Variants in KLHL6 observed in about 807,000 individuals in gnomAD.
KLHL6 encodes the protein kelch like family member 6, also known as kelch-like protein 6.
A neutral mutation model predicts 58.6 loss-of-function variants in KLHL6; 41 were observed. The ratio of observed to expected loss-of-function variants is 0.70; its 90% CI spans 0.55 to 0.91. The LOEUF is 0.91. Ranked by LOEUF, KLHL6 falls within the 40% of genes least tolerant of loss-of-function variation. KLHL6 has a pLI of 0.00. For missense variants in KLHL6, 714 were observed against 805.6 expected (o/e 0.89, Z 1.38); for synonymous variants, 338 against 322.7 (o/e 1.05, Z -0.51).
chr3:183,555,140 G>C (rs944465369), intron 1 of KLHL6, among the ~76,000 whole-genome samples: 2 of 151,946 alleles, frequency 1.3e-5, no homozygotes, highest in Non-Finnish European at 2.9e-5. Flanking sequence ...ACTCCAGCCT[G>C]GGCAACAAAA....
At chr3:183,552,396 C>T (rs1003882146) in intron 1 of KLHL6, 7 of 152,082 alleles carry the variant, frequency 4.6e-5, no homozygotes, top group African/African-American at 1.7e-4. Context: ...GCTTCCAGGC[C>T]CTCCAAAACA....
At chr3:183,516,018 G>A (rs1274826396) in intron 2 of KLHL6, among the ~76,000 whole-genome samples, 11 of 152,230 alleles carry the variant, frequency 7.2e-5, no homozygotes, top group South Asian at 2.1e-4. Flanking sequence ...TTCAAAGAGC[G>A]ATGCAAGTTC....
At chr3:183,500,275 T>C (rs1033419798) in intron 3 of KLHL6, among the ~76,000 whole-genome samples, 1 of 152,202 alleles carries the variant, frequency 6.6e-6, no homozygotes, top group Admixed American at 6.5e-5. Context: ...ATCAGCCTTC[T>C]GGAAGAGACA....
Position 183,492,871 on chromosome 3 carries a change from G to T in KLHL6, c.1351-164C>A, listed in dbSNP as rs1191961366. 3.2e-6 allele frequency: 2 copies of T among 619,364 alleles called. No homozygotes were observed. Among genetic ancestry groups the T allele is most frequent in the Admixed American group, 2.9e-5 (1 of 34,038 alleles). 38.4% of individuals were successfully genotyped at this position (619,364 alleles called of 1,614,324 possible). A position where few individuals can be genotyped will look rare whatever the true frequency, so the allele number is the denominator to read the frequency against. ...ACTCCTCTTAAGACACAGCAAGAATGAAAGCATGCATTTCCCACCCTCCCT... is the reference window on the plus strand; with the variant it reads ...ACTCCTCTTAAGACACAGCAAGAATTAAAGCATGCATTTCCCACCCTCCCT... On this transcript the variant is annotated intron_variant, in intron 5 of 6. Coordinates refer to ENST00000341319, the MANE Select transcript of KLHL6 (RefSeq NM_130446.4). This position sits in a 1 kb window ranked among gnomAD's most constrained non-coding sequence, Gnocchi z 5.9.
chr3:183,511,980 G>C (rs1416819333), intron 2 of KLHL6, among the ~76,000 whole-genome samples: 1 of 152,178 alleles, frequency 6.6e-6, no homozygotes, highest in African/African-American at 2.4e-5. Flanking sequence ...CATGTCTGCT[G>C]GTCTCAACTG....
intron 2 of KLHL6, among the ~76,000 whole-genome samples, chr3:183,525,336 A>C (rs1031517514): frequency 6.6e-6 from 1 of 150,986 alleles, no homozygotes; most frequent in Admixed American, 6.6e-5. Flanking sequence ...CGGGGGGGAA[A>C]ATTTAGGAAT....
At chr3:183,514,028 T>C (rs1718261466) in intron 2 of KLHL6, among the ~76,000 whole-genome samples, 1 of 152,230 alleles carries the variant, frequency 6.6e-6, no homozygotes, top group Non-Finnish European at 1.5e-5. Context: ...GCTTCATCCA[T>C]GTCCCTGCAA....
At chr3:183,539,811 T>C (rs1183153374) in intron 1 of KLHL6, among the ~76,000 whole-genome samples, 1 of 152,046 alleles carries the variant, frequency 6.6e-6, no homozygotes, top group African/African-American at 2.4e-5. Context: ...AAGAAAACTC[T>C]GGCCATGTTC....
chr3:183,519,965 C>T, intron 2 of KLHL6, among the ~76,000 whole-genome samples: 1 of 149,622 alleles, frequency 6.7e-6, no homozygotes, highest in Non-Finnish European at 1.5e-5. Flanking sequence ...TTTTGGCACA[C>T]TTGAGTTTGT....
intron 3 of KLHL6, among the ~76,000 whole-genome samples, chr3:183,507,408 G>GT (rs978374784): frequency 2.6e-5 from 4 of 151,712 alleles, no homozygotes; most frequent in East Asian, 1.9e-4. Context: ...GCACGTTCTT[G>GT]TTTTTTTTGT....
intron 5 of KLHL6, chr3:183,493,345 C>T (rs1717626252): frequency 6.4e-6 from 1 of 155,186 alleles, no homozygotes; most frequent in Non-Finnish European, 1.4e-5. Context: ...CTGGGCATGT[C>T]CCCCATACAT....
chr3:183,534,073 C>CCTTTAAAAGTACTTTACTTTTAAAGTA (rs1553812518), intron 1 of KLHL6, among the ~76,000 whole-genome samples: 9,848 of 38,508 alleles, frequency 0.26, 1,926 homozygotes, highest in Middle Eastern at 0.44. Context: ...TAATCACCAG[C>CCTTTAAAAGTACTTTACTTTTAAAGTA]CTTTAAAAGT....
At chr3:183,552,794 G>C (rs181432343) in intron 1 of KLHL6, among the ~76,000 whole-genome samples, 23 of 149,276 alleles carry the variant, frequency 1.5e-4, no homozygotes, top group African/African-American at 5.2e-4. Context: ...CTGAGCATAC[G>C]AAGAACCCCT....
At chr3:183,502,718 T>G (rs1031463132) in intron 3 of KLHL6, among the ~76,000 whole-genome samples, 1 of 152,246 alleles carries the variant, frequency 6.6e-6, no homozygotes, top group African/African-American at 2.4e-5. Context: ...TTGAGATTAC[T>G]GCAGCCCCAG....
chr3:183,545,279 C>T (rs142969167), intron 1 of KLHL6, among the ~76,000 whole-genome samples: 199 of 152,304 alleles, frequency 1.3e-3, no homozygotes, highest in African/African-American at 4.1e-3. Context: ...ATGGATGTTG[C>T]GCTCATGGCA....
At chr3:183,547,174 A>G (rs1382748833) in intron 1 of KLHL6, among the ~76,000 whole-genome samples, 1 of 152,108 alleles carries the variant, frequency 6.6e-6, no homozygotes, top group African/African-American at 2.4e-5. Flanking sequence ...CAGCCTCCCA[A>G]AGTGCTGGGA....
At chr3:183,533,976 G>C (rs1712242978) in intron 1 of KLHL6, among the ~76,000 whole-genome samples, 1 of 147,898 alleles carries the variant, frequency 6.8e-6, no homozygotes, top group East Asian at 2.0e-4. Flanking sequence ...GAGCCGTGAT[G>C]ATATCAGAGC....
rs759972581 is a variant in KLHL6, at chr3:183,511,593, C to T, written c.460-3085G>A. Among the ~76,000 whole-genome samples the T allele has an allele frequency of 3.9e-5, 6 of 152,172 alleles. No individual in the cohort carries two copies. The South Asian group carries it at 1.2e-3, about 32-fold the overall frequency. On this transcript the variant is annotated intron_variant, in intron 2 of 6. Coordinates refer to ENST00000341319, the MANE Select transcript of KLHL6 (RefSeq NM_130446.4). ...ATGGGGAAAGACCTTGGACAATACC[C>T]GGCTTTCCAGGGCAGAGGTCCCTGC...
intron 1 of KLHL6, among the ~76,000 whole-genome samples, chr3:183,530,806 T>C (rs894342019): frequency 2.7e-5 from 4 of 150,144 alleles, no homozygotes; most frequent in Admixed American, 2.0e-4. Context: ...TAAAAAACAA[T>C]GAGGTACTCA....
Sources: allele counts gnomAD v4.1 joint callset (sites outside exome capture counted in the v4.1 genomes callset), GRCh38; gene constraint gnomAD v4.1.1; non-coding constraint Gnocchi (gnomAD v3.1); transcripts MANE v1.5; gene names NCBI Gene and HGNC (gene_info 2026-07-23, HGNC 2026-07-21).